SYT16: variants seen among roughly 807,000 people sequenced by gnomAD.
SYT16 encodes the protein synaptotagmin 16, also known as synaptotagmin-16.
A neutral mutation model predicts 61.4 loss-of-function variants in SYT16; 42 were observed. That is an observed-to-expected ratio of 0.68 (90% confidence interval 0.53 to 0.89). SYT16 has a LOEUF of 0.89. SYT16 is among the 40% of genes least tolerant of loss of function. SYT16 has a pLI of 0.00. For missense variants in SYT16, 804 were observed against 807.3 expected (o/e 1.00, Z 0.05); for synonymous variants, 314 against 302.3 (o/e 1.04, Z -0.40).
chr14:61,987,743 CCTTTTTT>C (rs1471865750), intron 2 of SYT16, among the ~76,000 whole-genome samples: 1 of 16,022 alleles, frequency 6.2e-5, no homozygotes, highest in Non-Finnish European at 1.3e-4. Context: ...TGATTTTTTT[CCTTTTTT>C]TTTTTTTTAC....
At chr14:61,828,413 T>C (rs1313739776) in intron 1 of SYT16, among the ~76,000 whole-genome samples, 1 of 152,250 alleles carries the variant, frequency 6.6e-6, no homozygotes, top group Non-Finnish European at 1.5e-5. Flanking sequence ...AATATTTCCC[T>C]TCTGTCCAAA....
Position 62,110,059 on chromosome 14 carries a change from A to G in SYT16, c.*9352A>G, listed in dbSNP as rs916447949. ...GCCTGGCCAATGATTTGTATCTGAG[A>G]AACATTTTGAGATTATTTATATGTC... On this transcript the variant is annotated 3_prime_UTR_variant, in exon 8 of 8. Coordinates refer to ENST00000683842, the MANE Select transcript of SYT16 (RefSeq NM_001367656.1). 5 of 152,156 alleles carry G rather than the reference A, an allele frequency of 3.3e-5. No individual in the cohort carries two copies. The highest frequency in any genetic ancestry group is 9.7e-5 in the African/African-American group (4 of 41,446). The allele number at this position is 152,156 out of a possible 1,614,324, so 9.4% of individuals were successfully genotyped here. A position where few individuals can be genotyped will look rare whatever the true frequency, so the allele number is the denominator to read the frequency against.
At chr14:61,882,059 C>A (rs1380845067) in intron 1 of SYT16, among the ~76,000 whole-genome samples, 1 of 152,088 alleles carries the variant, frequency 6.6e-6, no homozygotes, top group Non-Finnish European at 1.5e-5. Flanking sequence ...TGTTTTTGTT[C>A]TGAACTGTTC....
intron 1 of SYT16, among the ~76,000 whole-genome samples, chr14:61,893,866 G>A (rs150393036): frequency 4.6e-5 from 7 of 152,334 alleles, no homozygotes; most frequent in Non-Finnish European, 8.8e-5. Context: ...TTCTGATTCC[G>A]CATCTGAGAG....
intron 1 of SYT16, among the ~76,000 whole-genome samples, chr14:61,936,336 A>G (rs944486874): frequency 2.0e-5 from 3 of 152,074 alleles, no homozygotes; most frequent in African/African-American, 7.2e-5. Flanking sequence ...AAAAGTACTG[A>G]TAACTATGGT....
intron 3 of SYT16, among the ~76,000 whole-genome samples, chr14:62,056,877 G>A (rs1398298152): frequency 4.6e-5 from 7 of 152,200 alleles, no homozygotes; most frequent in African/African-American, 1.4e-4. Flanking sequence ...AGGACAACAC[G>A]CTCTGGACGA....
At chr14:61,858,342 C>T (rs2046850183) in intron 1 of SYT16, among the ~76,000 whole-genome samples, 1 of 151,974 alleles carries the variant, frequency 6.6e-6, no homozygotes, top group African/African-American at 2.4e-5. Flanking sequence ...AATTCATATG[C>T]TCAATGTTAT....
chr14:62,100,281 G>A (rs2057387292), intron 7 of SYT16, 113 bp from the exon 8 acceptor site: 4 of 888,408 alleles, frequency 4.5e-6, no homozygotes, highest in Non-Finnish European at 5.0e-6. Context: ...ATACTGATCA[G>A]TATGTTGAAA....
chr14:61,915,189 C>CT (rs562564897), intron 1 of SYT16, among the ~76,000 whole-genome samples: 1 of 152,034 alleles, frequency 6.6e-6, no homozygotes, highest in Non-Finnish European at 1.5e-5. Flanking sequence ...ATATATCTGC[C>CT]TTTTTTTGGG....
intron 1 of SYT16, among the ~76,000 whole-genome samples, chr14:61,858,281 G>A (rs1324344951): frequency 1.3e-5 from 2 of 152,088 alleles, no homozygotes; most frequent in African/African-American, 4.8e-5. Flanking sequence ...TTTCCACCCA[G>A]AAGTTAGGAT....
intron 1 of SYT16, among the ~76,000 whole-genome samples, chr14:61,943,567 G>C (rs1043098316): frequency 1.3e-5 from 2 of 152,198 alleles, no homozygotes; most frequent in African/African-American, 2.4e-5. Flanking sequence ...GGGATGCAAG[G>C]CTGGTTCAAC....
At chr14:62,051,930 G>A (rs1339550509) in intron 3 of SYT16, among the ~76,000 whole-genome samples, 1 of 152,188 alleles carries the variant, frequency 6.6e-6, no homozygotes, top group Admixed American at 6.5e-5. Flanking sequence ...TCCTTGGGAG[G>A]CTGAGTGTGG....
intron 1 of SYT16, among the ~76,000 whole-genome samples, chr14:61,872,937 A>G (rs142623257): frequency 6.6e-6 from 1 of 152,324 alleles, no homozygotes; most frequent in East Asian, 1.9e-4. Context: ...TACAATGACA[A>G]TAATTTGATT....
At chr14:62,054,186 C>T (rs757858781) in intron 3 of SYT16, among the ~76,000 whole-genome samples, 12 of 152,078 alleles carry the variant, frequency 7.9e-5, no homozygotes, top group South Asian at 2.1e-4. Context: ...AAACCTTTTC[C>T]ATTTTTCTTT....
chr14:61,837,931 T>G (rs936137071), intron 1 of SYT16, among the ~76,000 whole-genome samples: 2 of 152,244 alleles, frequency 1.3e-5, no homozygotes, highest in East Asian at 1.9e-4. Flanking sequence ...GAAGAGATAC[T>G]TCATAGCATA....
chr14:62,100,386 TG>T lies in SYT16; in HGVS notation c.1625-7del. ...CATCCCCACCCCACCCTTTTTTTTTTGTCTTAGATACATATGGAAAACTCTT... is the reference window on the plus strand; with the variant it reads ...CATCCCCACCCCACCCTTTTTTTTTTTCTTAGATACATATGGAAAACTCTT... On this transcript the variant is annotated splice_polypyrimidine_tract_variant and splice_region_variant and intron_variant, in intron 7 of 7. Coordinates refer to ENST00000683842, the MANE Select transcript of SYT16 (RefSeq NM_001367656.1). The T allele has an allele frequency of 1.3e-6, 2 of 1,564,278 alleles. No individual in the cohort carries two copies. Among genetic ancestry groups the T allele is most frequent in the Admixed American group, 3.9e-5 (2 of 51,328 alleles).
At chr14:61,871,274 G>C (rs979483424) in intron 1 of SYT16, among the ~76,000 whole-genome samples, 1 of 150,986 alleles carries the variant, frequency 6.6e-6, no homozygotes, top group Non-Finnish European at 1.5e-5. Context: ...ATGAGCTCTA[G>C]GGATTTTTTG....
chr14:62,031,488 T>C (rs1373780176), intron 3 of SYT16, among the ~76,000 whole-genome samples: 1 of 152,140 alleles, frequency 6.6e-6, no homozygotes, highest in Non-Finnish European at 1.5e-5. Context: ...TTCGGGCATC[T>C]TTTCCCTTCT....
chr14:61,832,503 C>G (rs906667770), intron 1 of SYT16: 2 of 306,772 alleles, frequency 6.5e-6, no homozygotes, highest in Non-Finnish European at 1.3e-5. Context: ...GAGGCGTGAT[C>G]TCAGCTCACT....
Sources: gnomAD v4.1 joint callset for allele counts (sites outside exome capture counted in the v4.1 genomes callset) on GRCh38, gnomAD v4.1.1 for gene constraint, MANE v1.5 for transcripts, NCBI Gene and HGNC (gene_info 2026-07-23, HGNC 2026-07-21) for gene names.